Variants in ATG14 observed in about 807,000 individuals in gnomAD.
The protein encoded by ATG14 is beclin 1-associated autophagy-related key regulator.
In ATG14, 35 loss-of-function variants were observed where a neutral mutation model predicts 60.4. The observed-to-expected ratio is 0.58, with a 90% CI of 0.44 to 0.77. The LOEUF (loss-of-function observed/expected upper bound fraction) is 0.77. Among genes scored for constraint, ATG14 ranks in the 30% least tolerant of loss-of-function variants. ATG14 has a pLI of 0.00. For synonymous variants in ATG14, 234 were observed against 228.8 expected (o/e 1.02, Z -0.21); for missense variants, 647 against 626.3 (o/e 1.03, Z -0.35).
chr14:55,402,926 A>AAAAATATAT (rs1566585634), intron 1 of ATG14, among the ~76,000 whole-genome samples: 1 of 16,398 alleles, frequency 6.1e-5, no homozygotes, highest in Non-Finnish European at 1.1e-4. Flanking sequence ...AAAAAAAAAA[A>AAAAATATAT]ATATATATAT....
intron 3 of ATG14, among the ~76,000 whole-genome samples, chr14:55,394,710 G>T (rs1885283848): frequency 6.6e-6 from 1 of 152,184 alleles, no homozygotes; most frequent in South Asian, 2.1e-4. Context: ...TTAGGAAACA[G>T]TTCTACTAAA....
chr14:55,380,788 C>T, intron 6 of ATG14, 98 bp from the exon 7 acceptor site: 1 of 727,470 alleles, frequency 1.4e-6, no homozygotes, highest in African/African-American at 1.8e-5. Context: ...CATGATAGCA[C>T]TGTTACGTTT....
In ATG14 at chr14:55,367,932, G is replaced by A. The variant is rs999657842; in HGVS notation, c.*1687C>T. ...ATAGCACCTCGGACTTGGAGGCAAA[G>A]TATCAACTACAATTATTATGATGAG... On this transcript the variant is annotated 3_prime_UTR_variant, in exon 10 of 10. Transcript: ENST00000247178. 18 of 152,544 alleles carry A rather than the reference G, an allele frequency of 1.2e-4. No individual in the cohort carries two copies. The highest frequency in any genetic ancestry group is 3.9e-4 in the African/African-American group (16 of 41,418). 9.4% of individuals were successfully genotyped at this position (152,544 alleles called of 1,614,324 possible). A position where few individuals can be genotyped will look rare whatever the true frequency, so the allele number is the denominator to read the frequency against.
At position 55,381,996 on chromosome 14, in the gene ATG14, G is replaced by A; in HGVS notation, c.843C>T (p.Ser281=). The change falls in exon 6 of 10, where the codon AGC becomes AGT. Residue 281 remains serine (S), a synonymous_variant. Coordinates refer to ENST00000247178, the MANE Select transcript of ATG14 (RefSeq NM_014924.5). ...GGGTTGTTTTCTTCTCCTCCACCCA[G>A]CTGTAGTAGGCAGAGTAGTCCCCAT... ...PNNGDYSAYY[S]WVEEKKTTQG... is the part of the protein sequence containing the mutation. The A allele has an allele frequency of 6.2e-7, 1 of 1,614,158 alleles. No homozygotes were observed. Among genetic ancestry groups the A allele is most frequent in the Non-Finnish European group, 8.5e-7 (1 of 1,180,012 alleles).
intron 1 of ATG14, among the ~76,000 whole-genome samples, chr14:55,411,231 G>A (rs1885566217): frequency 6.6e-6 from 1 of 152,154 alleles, no homozygotes; most frequent in Admixed American, 6.5e-5. Flanking sequence ...ATATGCTTTC[G>A]AAAATAGAAA....
In ATG14 at chr14:55,369,118, C is replaced by T. The variant is rs1884751299; in HGVS notation, c.*501G>A. 6.5e-6 allele frequency: 1 copy of T among 152,686 alleles called. No individual in the cohort carries two copies. Among genetic ancestry groups the T allele is most frequent in the African/African-American group, 2.4e-5 (1 of 41,456 alleles). The allele number at this position is 152,686 out of a possible 1,614,324, so 9.5% of individuals were successfully genotyped here. A position where few individuals can be genotyped will look rare whatever the true frequency, so the allele number is the denominator to read the frequency against. On this transcript the variant is annotated 3_prime_UTR_variant, in exon 10 of 10. Transcript: ENST00000247178. ...GACCAAATTAGAAATTTTAAATTGCCTGCTGGTTCTCATACAAAAAACAAT... is the reference window on the plus strand; with the variant it reads ...GACCAAATTAGAAATTTTAAATTGCTTGCTGGTTCTCATACAAAAAACAAT...
At position 55,397,437 on chromosome 14, in the gene ATG14, G is replaced by T. The variant is rs372636668; in HGVS notation, c.222-3C>A. On this transcript the variant is annotated splice_region_variant and splice_polypyrimidine_tract_variant and intron_variant, in intron 1 of 9. Transcript: ENST00000247178. ...ACCTTTCCTTCTTGTCGATAAACCT[G>T]TAACAAAAAAATTCAATGTCTTATT... 3.7e-6 allele frequency: 6 copies of T among 1,609,930 alleles called. No individual in the cohort carries two copies. In the African/African-American group the frequency reaches 6.7e-5, roughly 18 times the overall value.
In ATG14 at chr14:55,385,919, G is replaced by A; in HGVS notation, c.587C>T (p.Ser196Phe). ...GACAGAGGTGAGCTCTAATATATGG[G>A]ATCGTCGAAGATTTGCCAGACGCTC... ...HYERLANLRR[S>F]HILELTSVIF... The change falls in exon 5 of 10, where the codon TCC becomes TTC. Residue 196 changes from serine to phenylalanine, a missense_variant. Physicochemically the swap from Ser to Phe is radical, Grantham distance 155. Transcript: ENST00000247178. 1 of 1,614,136 alleles carries A rather than the reference G, an allele frequency of 6.2e-7. No individual in the cohort carries two copies. The highest frequency in any genetic ancestry group is 8.5e-7 in the Non-Finnish European group (1 of 1,180,034).
chr14:55,403,344 G>C (rs1398582243), intron 1 of ATG14, among the ~76,000 whole-genome samples: 2 of 151,988 alleles, frequency 1.3e-5, no homozygotes, highest in African/African-American at 4.8e-5. Flanking sequence ...CACAAAAAGA[G>C]ACTGAGGGAT....
chr14:55,395,414 A>G (rs112798848), intron 3 of ATG14, among the ~76,000 whole-genome samples: 8,858 of 152,310 alleles, frequency 0.058, 326 homozygotes, highest in South Asian at 0.089. Context: ...GTGCTGTGGC[A>G]CGATCTTGGC....
In ATG14 at chr14:55,382,013, A is replaced by T; in HGVS notation, c.826T>A (p.Tyr276Asn). Residue 276 changes from tyrosine to asparagine, a missense_variant, in exon 6 of 10, where the codon TAC becomes AAC. Coordinates refer to ENST00000247178, the MANE Select transcript of ATG14 (RefSeq NM_014924.5). ...TCCACCCAGCTGTAGTAGGCAGAGT[A>T]GTCCCCATTGTTAGGGAGGCTAATC... ...PWISLPNNGD[Y>N]SAYYSWVEEK... The T allele has an allele frequency of 6.2e-7, 1 of 1,614,186 alleles. No homozygotes were observed. The highest frequency in any genetic ancestry group is 2.2e-5 in the East Asian group (1 of 44,884).
At chr14:55,395,615 T>C (rs1475350530) in intron 3 of ATG14, among the ~76,000 whole-genome samples, 1 of 152,238 alleles carries the variant, frequency 6.6e-6, no homozygotes, top group Non-Finnish European at 1.5e-5. Flanking sequence ...CCACCCATAT[T>C]TTCTTTGACA....
At chr14:55,377,638 C>A (rs1566578145) in intron 9 of ATG14, among the ~76,000 whole-genome samples, 181 bp downstream of exon 9, 1 of 151,600 alleles carries the variant, frequency 6.6e-6, no homozygotes, top group Admixed American at 6.6e-5. Flanking sequence ...GACATGATTA[C>A]AAAAAAAACC....
chr14:55,409,832 G>A (rs903621754), intron 1 of ATG14, among the ~76,000 whole-genome samples: 2 of 152,224 alleles, frequency 1.3e-5, no homozygotes, highest in Non-Finnish European at 2.9e-5. Flanking sequence ...AGAAATGGAG[G>A]AGTAGCATAA....
chr14:55,388,863 G>A (rs1223144321), intron 4 of ATG14, among the ~76,000 whole-genome samples: 2 of 152,196 alleles, frequency 1.3e-5, no homozygotes, highest in East Asian at 1.9e-4. Context: ...TATTCAAAGT[G>A]TGGCGTCTAG....
intron 9 of ATG14, among the ~76,000 whole-genome samples, chr14:55,372,453 A>T (rs1193345290): frequency 6.6e-6 from 1 of 152,176 alleles, no homozygotes; most frequent in Non-Finnish European, 1.5e-5. Context: ...AGGGGACCTC[A>T]GAACTGACTG....
At chr14:55,369,951 T>C (rs200842228) in intron 9 of ATG14, 26 bp from the exon 10 acceptor site, 131 of 1,557,972 alleles carry the variant, frequency 8.4e-5, no homozygotes, top group Non-Finnish European at 1.1e-4. Context: ...GAGGGTCTCT[T>C]TAGGATAACA....
intron 9 of ATG14, among the ~76,000 whole-genome samples, chr14:55,372,262 C>T (rs888273766): frequency 6.6e-6 from 1 of 151,784 alleles, no homozygotes; most frequent in Non-Finnish European, 1.5e-5. Context: ...ATTTGTCACC[C>T]TGGCCCAGGT....
chr14:55,411,692 G>C lies in ATG14; in HGVS notation c.131C>G (p.Pro44Arg). Residue 44 changes from proline (P) to arginine (R), a missense_variant, in exon 1 of 10, where the codon CCG becomes CGG. Physicochemically the swap from Pro to Arg is moderately radical, Grantham distance 103 (BLOSUM62 -2). Transcript: ENST00000247178. ...CCGCCGGCGGGTAGTGTTGCACAGC[G>C]GGCAGCGCTCCACAGCCACGTACAG... ...EGLYVAVERC[P>R]LCNTTRRRLT... 1 of 1,613,122 alleles carries C rather than the reference G, an allele frequency of 6.2e-7. No homozygotes were observed. The highest frequency in any genetic ancestry group is 1.3e-5 in the African/African-American group (1 of 75,054).
Sources: allele counts gnomAD v4.1 joint callset (sites outside exome capture counted in the v4.1 genomes callset), GRCh38; gene constraint gnomAD v4.1.1; transcripts MANE v1.5; gene names NCBI Gene and HGNC (gene_info 2026-07-23, HGNC 2026-07-21).